Variants in NRG1 observed in about 807,000 individuals in gnomAD.
The protein encoded by NRG1 is neuregulin 1, also known as pro-neuregulin-1, membrane-bound isoform.
NRG1 carries 18 observed loss-of-function variants against 63.8 expected under a neutral mutation model. The ratio of observed to expected loss-of-function variants is 0.28; its 90% CI spans 0.19 to 0.42. The LOEUF is 0.42. NRG1 is among the 10% of genes least tolerant of loss of function. NRG1 has a pLI of 1.00. For synonymous variants in NRG1, 302 were observed against 301.3 expected (o/e 1.00, Z -0.02); for missense variants, 762 against 814.7 (o/e 0.94, Z 0.79).
intron 1 of NRG1, among the ~76,000 whole-genome samples, chr8:32,257,497 A>G (rs1849862619): frequency 6.6e-6 from 1 of 152,226 alleles, no homozygotes; most frequent in Non-Finnish European, 1.5e-5. Context: ...CACATCAAAT[A>G]TATATAACAT....
intron 1 of NRG1, among the ~76,000 whole-genome samples, chr8:32,178,969 A>G (rs1841118981): frequency 6.6e-6 from 1 of 152,046 alleles, no homozygotes; most frequent in African/African-American, 2.4e-5. Flanking sequence ...TCTCAATGCC[A>G]TGTGAAGAAC....
intron 1 of NRG1, among the ~76,000 whole-genome samples, chr8:32,106,637 T>G (rs990098215): frequency 6.6e-6 from 1 of 152,196 alleles, no homozygotes; most frequent in African/African-American, 2.4e-5. Context: ...TCTTTGGTAA[T>G]ATGACTATTT....
At chr8:32,605,951 A>G (rs550417314) in intron 3 of NRG1, among the ~76,000 whole-genome samples, 24 of 152,078 alleles carry the variant, frequency 1.6e-4, no homozygotes, top group Non-Finnish European at 2.6e-4. Context: ...TTGCTAAAAT[A>G]TAGGGGCTAT....
At chr8:32,228,584 A>T (rs1053088742) in intron 1 of NRG1, among the ~76,000 whole-genome samples, 1 of 152,142 alleles carries the variant, frequency 6.6e-6, no homozygotes, top group African/African-American at 2.4e-5. Flanking sequence ...GTGATACAGA[A>T]CACCTGATTT....
At chr8:31,941,181 T>C (rs1011429866) in intron 1 of NRG1, among the ~76,000 whole-genome samples, 12 of 152,046 alleles carry the variant, frequency 7.9e-5, no homozygotes, top group African/African-American at 2.9e-4. Flanking sequence ...CAACAGTATA[T>C]CAAAAAGATA....
At chr8:32,321,822 G>A (rs1299691966) in intron 1 of NRG1, among the ~76,000 whole-genome samples, 2 of 147,656 alleles carry the variant, frequency 1.4e-5, no homozygotes, top group African/African-American at 2.5e-5. Flanking sequence ...TATTGAGTTG[G>A]GTTGTTCCTG....
At chr8:31,800,408 C>G (rs192800489) in intron 1 of NRG1, among the ~76,000 whole-genome samples, 1 of 152,108 alleles carries the variant, frequency 6.6e-6, no homozygotes, top group Non-Finnish European at 1.5e-5. Context: ...TTTCAGCCAC[C>G]GTAGTAAGTT....
At chr8:32,074,478 A>T (rs906734651) in intron 1 of NRG1, among the ~76,000 whole-genome samples, 1 of 152,194 alleles carries the variant, frequency 6.6e-6, no homozygotes, top group East Asian at 1.9e-4. Context: ...AAGTGGCCCA[A>T]TGAAAGTTGT....
chr8:31,787,587 A>C (rs1300251976), intron 1 of NRG1, among the ~76,000 whole-genome samples: 2 of 152,214 alleles, frequency 1.3e-5, no homozygotes, highest in Non-Finnish European at 2.9e-5. Flanking sequence ...TGGATATAGG[A>C]TGGAAGATGT....
chr8:31,816,410 C>A (rs74354362), intron 1 of NRG1, among the ~76,000 whole-genome samples: 5 of 152,194 alleles, frequency 3.3e-5, no homozygotes, highest in Admixed American at 3.3e-4. Flanking sequence ...AGTTTAAATG[C>A]TTGTAATTCC....
At chr8:32,473,184 G>A (rs1824063866) in intron 1 of NRG1, among the ~76,000 whole-genome samples, 1 of 152,186 alleles carries the variant, frequency 6.6e-6, no homozygotes, top group South Asian at 2.1e-4. Context: ...TATGGAGAAT[G>A]GACTGGATGA....
chr8:32,529,879 G>T (rs1831263293), intron 1 of NRG1, among the ~76,000 whole-genome samples: 1 of 152,144 alleles, frequency 6.6e-6, no homozygotes, highest in South Asian at 2.1e-4. Context: ...TAAGTAGAAG[G>T]AGTGCACTTA....
intron 5 of NRG1, among the ~76,000 whole-genome samples, chr8:32,712,824 C>T (rs1443453421): frequency 6.6e-6 from 1 of 152,124 alleles, no homozygotes; most frequent in African/African-American, 2.4e-5. Context: ...TCTAGTGGTT[C>T]TCTGATCTAA....
At position 32,566,016 on chromosome 8, in the gene NRG1, T is replaced by C. The variant is rs1210753204; in HGVS notation, c.100+17190T>C. Among the ~76,000 whole-genome samples, 85 of 152,258 alleles carry C rather than the reference T, an allele frequency of 5.6e-4. 1 individual carries two copies. The highest frequency in any genetic ancestry group is 8.8e-5 in the Non-Finnish European group (6 of 68,022). On this transcript the variant is annotated intron_variant, in intron 1 of 11. Coordinates refer to ENST00000356819, the Ensembl canonical transcript of NRG1. ...GTGCACACCTAGGCATGTAGAAACC[T>C]GTCGGTAGACTCAGCTTTTCCCTCT...
chr8:32,251,228 C>A (rs1006345572), intron 1 of NRG1, among the ~76,000 whole-genome samples: 1 of 151,954 alleles, frequency 6.6e-6, no homozygotes, highest in Non-Finnish European at 1.5e-5. Flanking sequence ...CCACAACAGG[C>A]CCTGGTGTGT....
intron 1 of NRG1, among the ~76,000 whole-genome samples, chr8:31,671,711 C>T (rs368644326): frequency 9.2e-5 from 14 of 151,976 alleles, no homozygotes; most frequent in East Asian, 1.9e-4. Flanking sequence ...ATGAAAGGAG[C>T]AAAGGGAACA....
At chr8:32,340,871 G>A (rs528824078) in intron 1 of NRG1, among the ~76,000 whole-genome samples, 1 of 152,326 alleles carries the variant, frequency 6.6e-6, no homozygotes, top group East Asian at 1.9e-4. Context: ...ATGGAACACA[G>A]CCATGCCCAT....
At chr8:32,074,580 C>T (rs911707913) in intron 1 of NRG1, among the ~76,000 whole-genome samples, 9 of 151,902 alleles carry the variant, frequency 5.9e-5, no homozygotes, top group Admixed American at 2.0e-4. Flanking sequence ...TAGGGCAGTG[C>T]GTGTGGGTCA....
intron 1 of NRG1, among the ~76,000 whole-genome samples, chr8:31,843,168 A>G (rs573655296): frequency 6.6e-6 from 1 of 152,268 alleles, no homozygotes; most frequent in African/African-American, 2.4e-5. Flanking sequence ...TGCAGCCAGC[A>G]TCTGTCCCAT....
Sources: gnomAD v4.1 joint callset for allele counts (sites outside exome capture counted in the v4.1 genomes callset) on GRCh38, gnomAD v4.1.1 for gene constraint, MANE v1.5 for transcripts, NCBI Gene and HGNC (gene_info 2026-07-23, HGNC 2026-07-21) for gene names.